Variants in FBXO11 observed in about 807,000 individuals in gnomAD.
FBXO11 encodes F-box only protein 11.
FBXO11 carries 13 observed loss-of-function variants against 117.0 expected under a neutral mutation model. The observed-to-expected ratio is 0.11, with a 90% confidence interval of 0.07 to 0.18. The LOEUF (loss-of-function observed/expected upper bound fraction) is 0.18. FBXO11 is among the 10% of genes least tolerant of loss of function. The probability of loss-of-function intolerance (pLI) is 1.00; values close to 1 mark genes in which losing one functional copy is unlikely to be tolerated. For synonymous variants in FBXO11, 490 were observed against 380.5 expected (o/e 1.29, Z -3.35); for missense variants, 767 against 1,164.4 (o/e 0.66, Z 4.97).
intron 1 of FBXO11, among the ~76,000 whole-genome samples, chr2:47,842,115 A>C (rs1308944298): frequency 2.6e-5 from 4 of 151,552 alleles, no homozygotes; most frequent in Non-Finnish European, 5.9e-5. Flanking sequence ...TCCTGGGTTC[A>C]AGCCATTCTC....
intron 1 of FBXO11, among the ~76,000 whole-genome samples, chr2:47,859,180 C>T (rs1674559261): frequency 6.6e-6 from 1 of 152,066 alleles, no homozygotes; most frequent in African/African-American, 2.4e-5. Flanking sequence ...TTTAAAGCCA[C>T]TCTTCAGAGA....
intron 1 of FBXO11, among the ~76,000 whole-genome samples, chr2:47,884,735 T>G (rs1352868209): frequency 1.3e-5 from 2 of 152,206 alleles, no homozygotes; most frequent in African/African-American, 4.8e-5. Flanking sequence ...AGCTTTTACA[T>G]GGGAGATGAT....
chr2:47,888,688 T>C (rs1256602444), intron 1 of FBXO11: 12 of 983,212 alleles, frequency 1.2e-5, no homozygotes, highest in African/African-American at 5.2e-5. Context: ...TTTTCAGCCA[T>C]TGCAATGTTT....
At chr2:47,824,591 T>C (rs374770246) in intron 11 of FBXO11, among the ~76,000 whole-genome samples, 1 of 152,328 alleles carries the variant, frequency 6.6e-6, no homozygotes, top group South Asian at 2.1e-4. Context: ...AAATACAATG[T>C]TTTTGAAGAC....
chr2:47,809,548 A>C, intron 20 of FBXO11, 52 bp downstream of exon 20: 1 of 1,312,580 alleles, frequency 7.6e-7, no homozygotes, highest in Non-Finnish European at 1.1e-6. Flanking sequence ...GCTTCTGATT[A>C]TCTTTCATGG....
chr2:47,821,211 C>G (rs1364811115), intron 13 of FBXO11, among the ~76,000 whole-genome samples: 1 of 152,206 alleles, frequency 6.6e-6, no homozygotes, highest in African/African-American at 2.4e-5. Context: ...GTGGCTCATA[C>G]CTGTAATCCC....
intron 4 of FBXO11, among the ~76,000 whole-genome samples, chr2:47,838,109 T>C (rs192775805): frequency 6.7e-6 from 1 of 148,640 alleles, no homozygotes; most frequent in Non-Finnish European, 1.5e-5. Flanking sequence ...GACACATGCC[T>C]GTGGTGCCAG....
chr2:47,858,775 T>G (rs983546249), intron 1 of FBXO11, among the ~76,000 whole-genome samples: 1 of 150,918 alleles, frequency 6.6e-6, no homozygotes, highest in African/African-American at 2.4e-5. Flanking sequence ...TCGGGCGCAG[T>G]GGCTTATGCC....
Position 47,810,301 on chromosome 2 carries a change from A to ATT in FBXO11, c.2338+14_2338+15insAA. On this transcript the variant is annotated intron_variant, in intron 19 of 22. Transcript: ENST00000403359. ...AACTATATATAAGCCACAGGTAAGAAAAGAAAATACAAACCTGCGGCAAAT... is the reference window on the plus strand; with the variant it reads ...AACTATATATAAGCCACAGGTAAGAATTAAGAAAATACAAACCTGCGGCAAAT... 6.5e-7 allele frequency: 1 copy of ATT among 1,546,104 alleles called. No individual in the cohort carries two copies. Among genetic ancestry groups the ATT allele is most frequent in the Non-Finnish European group, 8.8e-7 (1 of 1,130,574 alleles).
chr2:47,879,426 T>G (rs1418005591), intron 1 of FBXO11, among the ~76,000 whole-genome samples: 2 of 152,260 alleles, frequency 1.3e-5, no homozygotes, highest in Non-Finnish European at 2.9e-5. Context: ...ACCAATGGAG[T>G]ATGCTGCCCA....
rs543776356 is a variant in FBXO11, at chr2:47,809,133, G to A, written c.2555+25C>T. ...AAGGAAATCAGTCTTCCTCTTTTCA[G>A]GACTCAAATATATTTCTAAGTTACC... On this transcript the variant is annotated intron_variant, in intron 21 of 22. Coordinates refer to ENST00000403359, the MANE Select transcript of FBXO11 (RefSeq NM_001190274.2). 17 of 1,383,718 alleles carry A rather than the reference G, an allele frequency of 1.2e-5. No homozygotes were observed. In the East Asian group the frequency reaches 3.7e-4, roughly 30 times the overall value. 85.7% of individuals were successfully genotyped at this position (1,383,718 alleles called of 1,614,324 possible).
intron 2 of FBXO11, 49 bp downstream of exon 2, chr2:47,839,593 T>C: frequency 6.2e-7 from 1 of 1,606,100 alleles, no homozygotes; most frequent in Non-Finnish European, 8.5e-7. Context: ...TTTTTGTTTC[T>C]TGAAAATTCT....
rs1670323402 is a variant in FBXO11 at position 47,807,731 on chromosome 2, A to C, written c.*387T>G. 4.2e-6 allele frequency: 1 copy of C among 238,928 alleles called. No homozygotes were observed. Among genetic ancestry groups the C allele is most frequent in the Admixed American group, 5.2e-5 (1 of 19,390 alleles). The allele number at this position is 238,928 out of a possible 1,614,324, so 14.8% of individuals were successfully genotyped here. ...CACATTTTTACCATATTACAAAAGC[A>C]ATTGGTACCCATGTCCATAAAGGCA... On this transcript the variant is annotated 3_prime_UTR_variant, in exon 23 of 23. Coordinates refer to ENST00000403359, the MANE Select transcript of FBXO11 (RefSeq NM_001190274.2).
intron 1 of FBXO11, among the ~76,000 whole-genome samples, chr2:47,854,651 T>C (rs1411243679): frequency 6.6e-6 from 1 of 152,002 alleles, no homozygotes; most frequent in Non-Finnish European, 1.5e-5. Context: ...ATTAGAATTA[T>C]GTGGAAGTTT....
chr2:47,891,924 G>C (rs537997586), intron 1 of FBXO11, among the ~76,000 whole-genome samples: 5 of 152,198 alleles, frequency 3.3e-5, no homozygotes, highest in African/African-American at 1.2e-4. Context: ...CTTCTCTGGA[G>C]AATGTCTATT....
At chr2:47,854,771 G>A (rs988835077) in intron 1 of FBXO11, among the ~76,000 whole-genome samples, 1 of 152,016 alleles carries the variant, frequency 6.6e-6, no homozygotes, top group Non-Finnish European at 1.5e-5. Context: ...GATGGTGGTG[G>A]ACCAGGATCA....
intron 1 of FBXO11, among the ~76,000 whole-genome samples, chr2:47,853,234 G>C (rs919514128): frequency 6.6e-6 from 1 of 151,966 alleles, no homozygotes; most frequent in Non-Finnish European, 1.5e-5. Flanking sequence ...ACCAAGCCCA[G>C]CTAATCTTTG....
intron 1 of FBXO11, among the ~76,000 whole-genome samples, chr2:47,899,815 G>C (rs1677962516): frequency 6.6e-6 from 1 of 152,126 alleles, no homozygotes; most frequent in South Asian, 2.1e-4. Context: ...ATACTTCAAA[G>C]ATAAGTGGGA....
intron 1 of FBXO11, among the ~76,000 whole-genome samples, chr2:47,885,521 G>C (rs1481666308): frequency 6.6e-6 from 1 of 151,966 alleles, no homozygotes; most frequent in Non-Finnish European, 1.5e-5. Context: ...GCTGCAGTGA[G>C]CCGAGCTCAC....
Sources: gnomAD v4.1 joint callset for allele counts (sites outside exome capture counted in the v4.1 genomes callset) on GRCh38, gnomAD v4.1.1 for gene constraint, MANE v1.5 for transcripts, NCBI Gene and HGNC (gene_info 2026-07-23, HGNC 2026-07-21) for gene names.